Variants in CRYBA2 observed in about 807,000 individuals in gnomAD.
CRYBA2 encodes the protein beta-crystallin A2.
A neutral mutation model predicts 18.5 loss-of-function variants in CRYBA2; 17 were observed. The observed-to-expected ratio is 0.92, with a 90% confidence interval of 0.63 to 1.38. CRYBA2 has a LOEUF of 1.38. Ranked by LOEUF, CRYBA2 falls within the 40% of genes most tolerant of loss-of-function variation. The pLI is 0.00. For synonymous variants in CRYBA2, 101 were observed against 106.2 expected, an observed-to-expected ratio of 0.95 and a Z score of 0.30; for missense variants, 271 against 265.0, an observed-to-expected ratio of 1.02 and a Z score of -0.16.
rs1177672338 is a variant in CRYBA2 at position 218,992,147 on chromosome 2, G to A, written c.258C>T (p.Ser86=). The A allele has an allele frequency of 6.2e-7, 1 of 1,611,270 alleles. No individual in the cohort carries two copies. The highest frequency in any genetic ancestry group is 1.7e-5 in the Admixed American group (1 of 60,016). ...AGGACAGCAGCTGGTTGCTGTTGTG[G>A]CTGCTGCTGCCACTCCAGGCGCTCC... ...PRWSAWSGSS[S]HNSNQLLSFR... is the part of the protein sequence containing the mutation. The change falls in exon 2 of 4, where the codon AGC becomes AGT. Residue 86 remains serine, a synonymous_variant. Coordinates refer to ENST00000295728, the MANE Select transcript of CRYBA2 (RefSeq NM_057093.2).
intron 1 of CRYBA2, 22 bp from the exon 2 acceptor site, chr2:218,992,265 G>A (rs1945507027): frequency 6.2e-7 from 1 of 1,610,728 alleles, no homozygotes; most frequent in Non-Finnish European, 8.5e-7. Flanking sequence ...GAAGAGCTGG[G>A]AGGTATCTGC....
intron 2 of CRYBA2, 194 bp from the exon 3 acceptor site, chr2:218,991,188 C>T: frequency 1.4e-6 from 1 of 691,026 alleles, no homozygotes. Flanking sequence ...TTCCCCCGAA[C>T]CTGGCCCCTC....
rs545204711 is a variant in CRYBA2, at chr2:218,990,661, G to A, written c.446+191C>T. 6.3e-5 allele frequency among the ~76,000 whole-genome samples: 9 copies of A among 142,374 alleles called. No homozygotes were observed. The South Asian group carries it at 1.1e-3, about 17-fold the overall frequency. 93.4% of individuals were successfully genotyped at this position (142,374 alleles called of 152,430 possible). On this transcript the variant is annotated intron_variant, in intron 3 of 3. Transcript: ENST00000295728. ...CCCTTCATCTGTGCCCATATTGCCC[G>A]CTGCCCCCCATTCTCCTAGGACCTC...
At position 218,992,090 on chromosome 2, in the gene CRYBA2, G is replaced by A; in HGVS notation, c.303+12C>T. The stretch of plus-strand genomic sequence containing the variant: ...GCTAGGAGGCAGGGGAGGAGAAGTG[G>A]GCTGTGCTCACCGCGCAGAGCACTG... On this transcript the variant is annotated intron_variant, in intron 2 of 3. Transcript: ENST00000295728. 6.2e-7 allele frequency: 1 copy of A among 1,608,730 alleles called. No individual in the cohort carries two copies. The highest frequency in any genetic ancestry group is 2.2e-5 in the East Asian group (1 of 44,740).
chr2:218,993,006 A>C lies in CRYBA2; in HGVS notation c.161+10T>G. 1 of 1,595,030 alleles carries C rather than the reference A, an allele frequency of 6.3e-7. No individual in the cohort carries two copies. Among genetic ancestry groups the C allele is most frequent in the Non-Finnish European group, 8.6e-7 (1 of 1,167,176 alleles). ...CAACCCAGCCCAGCCGCGGCCAGGC[A>C]ATCACTCACACGCCGTTTTCCACCT... On this transcript the variant is annotated intron_variant, in intron 1 of 3. Transcript: ENST00000295728. This position sits in a 1 kb window ranked among gnomAD's most constrained non-coding sequence, Gnocchi z 7.7.
At chr2:218,991,105 C>T (rs1574491211) in intron 2 of CRYBA2, 111 bp from the exon 3 acceptor site, 3 of 1,508,312 alleles carry the variant, frequency 2.0e-6, no homozygotes, top group East Asian at 4.6e-5. Flanking sequence ...GTGAAGCTGT[C>T]TAGGACCCAC....
intron 3 of CRYBA2, among the ~76,000 whole-genome samples, 177 bp from the exon 4 acceptor site, chr2:218,990,576 C>A (rs1178751462): frequency 2.0e-5 from 3 of 151,690 alleles, no homozygotes; most frequent in African/African-American, 4.8e-5. Context: ...TTTCTGTCAC[C>A]GTTCTCATCC....
Position 218,990,945 on chromosome 2 carries a change from C to A in CRYBA2, c.353G>T (p.Gly118Val). 6.2e-7 allele frequency: 1 copy of A among 1,614,158 alleles called. No individual in the cohort carries two copies. Among genetic ancestry groups the A allele is most frequent in the South Asian group, 1.1e-5 (1 of 91,082 alleles). ...VTLFEGDNFQ[G>V]CKFDLVDDYP... ...GTCATCAACGAGGTCAAACTTGCAG[C>A]CTTGGAAGTTGTCCCCCTCAAACAG... Residue 118 changes from glycine (G) to valine (V), a missense_variant, in exon 3 of 4, where the codon GGC becomes GTC. By Grantham distance (109) the Gly-to-Val change is moderately radical. Transcript: ENST00000295728.
chr2:218,990,306 G>A lies in CRYBA2; in HGVS notation c.540C>T (p.Leu180=), dbSNP rs141747065. ...HSGEFCTYGE[L]GTQAHTGQLQ... is the part of the protein sequence containing the mutation. ...GCTGCCCAGTGTGGGCCTGTGTGCC[G>A]AGCTCACCGTAAGTACAGAACTCTC... Residue 180 remains leucine, a synonymous_variant, in exon 4 of 4, where the codon CTC becomes CTT. Transcript: ENST00000295728. 71 of 1,614,082 alleles carry A rather than the reference G, an allele frequency of 4.4e-5. No individual in the cohort carries two copies. In the African/African-American group the frequency reaches 6.9e-4, roughly 16 times the overall value.
intron 3 of CRYBA2, 82 bp downstream of exon 3, chr2:218,990,770 A>C: frequency 6.5e-7 from 1 of 1,529,408 alleles, no homozygotes; most frequent in South Asian, 1.2e-5. Flanking sequence ...CGCCCTCCCC[A>C]CATCACTTTT....
At position 218,992,199 on chromosome 2, in the gene CRYBA2, ATGAAC is replaced by A; in HGVS notation, c.201_205del (p.Gln67HisfsTer37). The stretch of plus-strand genomic sequence containing the variant: ...GCGAGGATAGTCTCCCTTCTCCAGA[ATGAAC>A]TGCTGTCCCTGGAAGTCGGGGTACT... On this transcript the variant is annotated frameshift_variant, in exon 2 of 4. Transcript: ENST00000295728. LOFTEE classifies it high-confidence loss of function. 1.2e-6 allele frequency: 2 copies of A among 1,613,708 alleles called. No individual in the cohort carries two copies. The highest frequency in any genetic ancestry group is 1.7e-6 in the Non-Finnish European group (2 of 1,179,968).
intron 3 of CRYBA2, among the ~76,000 whole-genome samples, 191 bp downstream of exon 3, chr2:218,990,661 G>T (rs545204711): frequency 7.0e-6 from 1 of 142,290 alleles, no homozygotes; most frequent in Non-Finnish European, 1.5e-5. Context: ...CATATTGCCC[G>T]CTGCCCCCCA....
chr2:218,990,584 TCCAGTCTTCTATAC>T (rs1945484480), intron 3 of CRYBA2, among the ~76,000 whole-genome samples, 185 bp from the exon 4 acceptor site: 1 of 151,216 alleles, frequency 6.6e-6, no homozygotes, highest in African/African-American at 2.4e-5. Context: ...ACCGTTCTCA[TCCAGTCTTCTATAC>T]CCACCCCTTA....
rs762335186 is a variant in CRYBA2, at chr2:218,993,160, G to A, written c.17C>T (p.Ala6Val). ...GAGGCTGGCGGGCGCCGGGCCCGGC[G>A]CGGGGGCGCTGCTCATGCCGCTGCG... MSSAP[A>V]PGPAPASLTL... Residue 6 changes from alanine (A) to valine (V), a missense_variant, in exon 1 of 4, where the codon GCG (alanine) becomes GTG (valine). Coordinates refer to ENST00000295728, the MANE Select transcript of CRYBA2 (RefSeq NM_057093.2). This position sits in a 1 kb window ranked among gnomAD's most constrained non-coding sequence, Gnocchi z 7.7. 3.7e-6 allele frequency: 6 copies of A among 1,603,394 alleles called. No individual in the cohort carries two copies. In the South Asian group the frequency reaches 6.6e-5, roughly 18 times the overall value.
Position 218,990,348 on chromosome 2 carries a change from C to T in CRYBA2, c.498G>A (p.Glu166=). 6.2e-7 allele frequency: 1 copy of T among 1,614,136 alleles called. No homozygotes were observed. The highest frequency in any genetic ancestry group is 8.5e-7 in the Non-Finnish European group (1 of 1,180,014). Residue 166 remains glutamate (E), a synonymous_variant, in exon 4 of 4, where the codon GAG becomes GAA. Transcript: ENST00000295728. ...PGYRGYQYVL[E]RDRHSGEFCT... is the part of the protein sequence containing the mutation. ...AGAACTCTCCGCTGTGCCGGTCCCG[C>T]TCCAACACATACTGGTAGCCTCGGT...
chr2:218,992,260 G>A lies in CRYBA2; in HGVS notation c.162-17C>T. ...GCCACCCAACTGGAAAAGGAGAAGA[G>A]CTGGGAGGTATCTGCCCCAGCCGCA... On this transcript the variant is annotated splice_polypyrimidine_tract_variant and intron_variant, in intron 1 of 3. Coordinates refer to ENST00000295728, the MANE Select transcript of CRYBA2 (RefSeq NM_057093.2). 6.2e-7 allele frequency: 1 copy of A among 1,611,632 alleles called. No homozygotes were observed.
At chr2:218,990,665 C>T (rs560649228) in intron 3 of CRYBA2, among the ~76,000 whole-genome samples, 187 bp downstream of exon 3, 2 of 151,716 alleles carry the variant, frequency 1.3e-5, no homozygotes, top group East Asian at 1.9e-4. Context: ...TTGCCCGCTG[C>T]CCCCCATTCT....
chr2:218,991,998 G>T, intron 2 of CRYBA2, 104 bp downstream of exon 2: 1 of 988,900 alleles, frequency 1.0e-6, no homozygotes, highest in Non-Finnish European at 1.5e-6. Flanking sequence ...CTCGGAGTTT[G>T]TTTACACACA....
chr2:218,990,617 A>C (rs1277884306), intron 3 of CRYBA2, among the ~76,000 whole-genome samples: 228 of 99,182 alleles, frequency 2.3e-3, no homozygotes, highest in African/African-American at 3.5e-3. Flanking sequence ...TATTTCCTCC[A>C]CCCCCTCATG....
Sources: gnomAD v4.1 joint callset for allele counts (sites outside exome capture counted in the v4.1 genomes callset) on GRCh38, gnomAD v4.1.1 for gene constraint, Gnocchi (gnomAD v3.1) non-coding constraint, MANE v1.5 for transcripts, NCBI Gene and HGNC (gene_info 2026-07-23, HGNC 2026-07-21) for gene names.